Variants in PITPNC1 observed in about 807,000 individuals in gnomAD.
PITPNC1 encodes the protein cytoplasmic phosphatidylinositol transfer protein 1.
A neutral mutation model predicts 44.7 loss-of-function variants in PITPNC1; 18 were observed. The observed-to-expected ratio is 0.40, with a 90% CI of 0.28 to 0.60. PITPNC1 has a LOEUF of 0.60. Among genes scored for constraint, PITPNC1 ranks in the 20% least tolerant of loss-of-function variants. The pLI is 0.39. For synonymous variants in PITPNC1, 141 were observed against 149.6 expected, an observed-to-expected ratio of 0.94 and a Z score of 0.42; for missense variants, 290 against 418.4, an observed-to-expected ratio of 0.69 and a Z score of 2.68.
At chr17:67,623,067 C>T (rs535786088) in intron 5 of PITPNC1, among the ~76,000 whole-genome samples, 22 of 131,258 alleles carry the variant, frequency 1.7e-4, no homozygotes, top group African/African-American at 5.9e-4. Flanking sequence ...ACTTTGTTGG[C>T]GTGTCTTCCT....
At chr17:67,592,170 A>G (rs2144258302) in intron 5 of PITPNC1, among the ~76,000 whole-genome samples, 1 of 152,334 alleles carries the variant, frequency 6.6e-6, no homozygotes, top group African/African-American at 2.4e-5. Flanking sequence ...AGTTAAAATG[A>G]TAGCAAAATG....
intron 5 of PITPNC1, among the ~76,000 whole-genome samples, chr17:67,617,057 C>T (rs2041767829): frequency 1.3e-5 from 2 of 152,362 alleles, no homozygotes; most frequent in Admixed American, 6.5e-5. Flanking sequence ...TCTAACCCTT[C>T]CTTCTTCCTG....
chr17:67,383,106 C>G (rs1428819435), intron 1 of PITPNC1, among the ~76,000 whole-genome samples: 2 of 151,972 alleles, frequency 1.3e-5, no homozygotes, highest in African/African-American at 2.4e-5. Flanking sequence ...AGAGATTCTC[C>G]TGCCTCAGCC....
chr17:67,541,377 G>A (rs1441578627), intron 2 of PITPNC1, among the ~76,000 whole-genome samples: 1 of 152,014 alleles, frequency 6.6e-6, no homozygotes, highest in Non-Finnish European at 1.5e-5. Flanking sequence ...AATTATATAA[G>A]TATGGGATGA....
intron 1 of PITPNC1, among the ~76,000 whole-genome samples, chr17:67,468,190 G>A (rs1220173423): frequency 6.6e-6 from 1 of 152,152 alleles, no homozygotes; most frequent in Non-Finnish European, 1.5e-5. Flanking sequence ...TCGTAGAAGT[G>A]TCTAGTACAA....
rs2144495113 is a variant in PITPNC1, at chr17:67,697,121, A to T, written c.*4233A>T. The T allele has an allele frequency of 6.6e-6, 1 of 152,000 alleles. No homozygotes were observed. The highest frequency in any genetic ancestry group is 2.1e-4 in the South Asian group (1 of 4,808). 9.4% of individuals were successfully genotyped at this position (152,000 alleles called of 1,614,324 possible). ...ATTACAGACTATAAGCAAAGCAAAC[A>T]AAAGTTGATCCTTACATATGCCATC... is the stretch of plus-strand genomic sequence containing the variant. On this transcript the variant is annotated 3_prime_UTR_variant, in exon 9 of 9. Transcript: ENST00000581322.
rs2043009586 is a variant in PITPNC1 at position 67,696,252 on chromosome 17, T to G, written c.*3364T>G. On this transcript the variant is annotated 3_prime_UTR_variant, in exon 9 of 9. Coordinates refer to ENST00000581322, the MANE Select transcript of PITPNC1 (RefSeq NM_012417.4). Reference sequence around the variant, plus strand: ...TCTTTCAAGACACTGTAATAAACAGTGAACTAAGAGAATAGATTCTGATAC... The same window carrying G: ...TCTTTCAAGACACTGTAATAAACAGGGAACTAAGAGAATAGATTCTGATAC... 6.6e-6 allele frequency: 1 copy of G among 152,074 alleles called. No homozygotes were observed. Among genetic ancestry groups the G allele is most frequent in the Non-Finnish European group, 1.5e-5 (1 of 68,034 alleles). The allele number at this position is 152,074 out of a possible 1,614,324, so 9.4% of individuals were successfully genotyped here. A position where few individuals can be genotyped will look rare whatever the true frequency, so the allele number is the denominator to read the frequency against.
intron 6 of PITPNC1, among the ~76,000 whole-genome samples, chr17:67,649,718 C>CT (rs1567758429): frequency 1.3e-5 from 2 of 152,030 alleles, no homozygotes; most frequent in African/African-American, 4.8e-5. Context: ...GACTCCATCT[C>CT]TATTTTTTTT....
chr17:67,501,825 C>T (rs1427379456), intron 1 of PITPNC1, among the ~76,000 whole-genome samples: 1 of 150,836 alleles, frequency 6.6e-6, no homozygotes, highest in African/African-American at 2.4e-5. Context: ...AAGAGCAAAA[C>T]TCTGTCTCAA....
intron 1 of PITPNC1, among the ~76,000 whole-genome samples, chr17:67,506,127 C>G (rs2144079168): frequency 6.6e-6 from 1 of 152,172 alleles, no homozygotes; most frequent in East Asian, 1.9e-4. Context: ...CGAGATATTA[C>G]CTAGGGCTAC....
At chr17:67,444,431 G>A (rs546436279) in intron 1 of PITPNC1, among the ~76,000 whole-genome samples, 2 of 152,076 alleles carry the variant, frequency 1.3e-5, no homozygotes, top group African/African-American at 4.8e-5. Flanking sequence ...ACTGGGTGGC[G>A]GAGGGGGGTG....
At chr17:67,506,643 A>G (rs2040105851) in intron 1 of PITPNC1, among the ~76,000 whole-genome samples, 1 of 151,556 alleles carries the variant, frequency 6.6e-6, no homozygotes, top group African/African-American at 2.4e-5. Context: ...ACTTTTCAGT[A>G]CTTACTATAC....
intron 2 of PITPNC1, among the ~76,000 whole-genome samples, chr17:67,543,054 A>G (rs896072807): frequency 6.6e-6 from 1 of 152,210 alleles, no homozygotes; most frequent in Non-Finnish European, 1.5e-5. Flanking sequence ...GTTAAGGTCC[A>G]CAGTTGCCAG....
At position 67,377,637 on chromosome 17, in the gene PITPNC1, T is replaced by TCTCCGG. The variant is rs1857824115; in HGVS notation, c.-509_-504dup. 1 of 152,506 alleles carries TCTCCGG rather than the reference T, an allele frequency of 6.6e-6. No homozygotes were observed. Among genetic ancestry groups the TCTCCGG allele is most frequent in the African/African-American group, 2.4e-5 (1 of 41,428 alleles). 9.4% of individuals were successfully genotyped at this position (152,506 alleles called of 1,614,324 possible). The stretch of plus-strand genomic sequence containing the variant: ...CGAGCCTTTGTCTGGAAAGTCAGCA[T>TCTCCGG]CTCCGGCTCCGGCTGCAATGTGTTC... On this transcript the variant is annotated 5_prime_UTR_variant, in exon 1 of 9. Coordinates refer to ENST00000581322, the MANE Select transcript of PITPNC1 (RefSeq NM_012417.4).
At chr17:67,439,548 A>AG (rs2038983178) in intron 1 of PITPNC1, among the ~76,000 whole-genome samples, 1 of 152,318 alleles carries the variant, frequency 6.6e-6, no homozygotes, top group African/African-American at 2.4e-5. Context: ...TCATAGAAAA[A>AG]GATATGTTCT....
rs938743698 is a variant in PITPNC1, at chr17:67,396,399, T to C, written c.48+18197T>C. ...TTCTTTCTTTATTTTTGAGATGGAGTCTCATTCTGTTGCCCAGGCTGGAGT... is the reference window on the plus strand; with the variant it reads ...TTCTTTCTTTATTTTTGAGATGGAGCCTCATTCTGTTGCCCAGGCTGGAGT... On this transcript the variant is annotated intron_variant, in intron 1 of 8. Coordinates refer to ENST00000581322, the MANE Select transcript of PITPNC1 (RefSeq NM_012417.4). 1.1e-4 allele frequency among the ~76,000 whole-genome samples: 16 copies of C among 152,136 alleles called. 1 individual carries two copies. The highest frequency in any genetic ancestry group is 5.9e-5 in the Non-Finnish European group (4 of 68,022).
intron 4 of PITPNC1, among the ~76,000 whole-genome samples, chr17:67,554,794 T>C: frequency 6.6e-6 from 1 of 152,212 alleles, no homozygotes; most frequent in Non-Finnish European, 1.5e-5. Flanking sequence ...CAGAAAGGCT[T>C]GGCTGTCCTC....
intron 4 of PITPNC1, among the ~76,000 whole-genome samples, chr17:67,577,367 C>A (rs990450970): frequency 4.6e-5 from 7 of 151,938 alleles, no homozygotes; most frequent in African/African-American, 1.7e-4. Flanking sequence ...GTGGGCAGAT[C>A]TTTTGAGCTC....
In PITPNC1 at chr17:67,439,053, G is replaced by A. The variant is rs1026262162; in HGVS notation, c.48+60851G>A. On this transcript the variant is annotated intron_variant, in intron 1 of 8. Transcript: ENST00000581322. Reference sequence around the variant, plus strand: ...CATCAGTTTCTCCTAGGAAACCTGGGCCACAAGTTTCTGGTTGGTTTCGGA... The same window carrying A: ...CATCAGTTTCTCCTAGGAAACCTGGACCACAAGTTTCTGGTTGGTTTCGGA... Among the ~76,000 whole-genome samples, 27 of 152,172 alleles carry A rather than the reference G, an allele frequency of 1.8e-4. 1 individual carries two copies. Among genetic ancestry groups the A allele is most frequent in the African/African-American group, 6.0e-4 (25 of 41,430 alleles).
Sources: gnomAD v4.1 joint callset for allele counts (sites outside exome capture counted in the v4.1 genomes callset) on GRCh38, gnomAD v4.1.1 for gene constraint, MANE v1.5 for transcripts, NCBI Gene and HGNC (gene_info 2026-07-23, HGNC 2026-07-21) for gene names.